SYNGR4: variants seen among roughly 807,000 people sequenced by gnomAD.
The protein encoded by SYNGR4 is synaptogyrin-4.
In SYNGR4, 15 loss-of-function variants were observed where a neutral mutation model predicts 15.5. That is an observed-to-expected ratio of 0.97 (90% CI 0.65 to 1.49). The LOEUF is 1.49. Among genes scored for constraint, SYNGR4 ranks in the 40% most tolerant of loss-of-function variants. The pLI, the probability that SYNGR4 is intolerant of heterozygous loss-of-function variation, is 0.00. For synonymous variants in SYNGR4, 121 were observed against 127.4 expected (o/e 0.95, Z 0.34); for missense variants, 292 against 299.3 (o/e 0.98, Z 0.18).
rs1970335455 is a variant in SYNGR4, at chr19:48,373,124, ACT to A, written c.94-390_94-389del. 2.0e-5 allele frequency: 4 copies of A among 201,300 alleles called. No individual in the cohort carries two copies. In the South Asian group the frequency reaches 2.9e-4, roughly 15 times the overall value. 12.5% of individuals were successfully genotyped at this position (201,300 alleles called of 1,614,324 possible). A position where few individuals can be genotyped will look rare whatever the true frequency, so the allele number is the denominator to read the frequency against. ...AATTGGAAGAGTGAGGGAAGCGGAG[ACT>A]CTGCAGGGCCTCCAAGGCCAGGCTT... On this transcript the variant is annotated intron_variant, in intron 2 of 4. Transcript: ENST00000344846.
intron 3 of SYNGR4, 122 bp from the exon 4 acceptor site, chr19:48,375,491 A>G (rs1411977251): frequency 2.3e-6 from 3 of 1,297,496 alleles, no homozygotes; most frequent in Non-Finnish European, 3.2e-6. Flanking sequence ...TAAAAAAAGT[A>G]TTTTTCAATA....
At chr19:48,367,757 T>A (rs1381942949) in intron 2 of SYNGR4, among the ~76,000 whole-genome samples, 1 of 152,172 alleles carries the variant, frequency 6.6e-6, no homozygotes, top group Non-Finnish European at 1.5e-5. Context: ...TGGAGTCAAA[T>A]CCTCATTCAG....
intron 2 of SYNGR4, among the ~76,000 whole-genome samples, chr19:48,370,934 G>A (rs551556670): frequency 2.0e-5 from 3 of 152,158 alleles, no homozygotes; most frequent in East Asian, 1.9e-4. Context: ...GCCCACCTCC[G>A]ATCCATCAGC....
intron 2 of SYNGR4, 108 bp from the exon 3 acceptor site, chr19:48,373,409 C>G: frequency 3.2e-6 from 3 of 932,056 alleles, no homozygotes; most frequent in Non-Finnish European, 5.1e-6. Flanking sequence ...GGGAGAGGTC[C>G]AGACGGACCA....
At chr19:48,375,469 CAT>C in intron 3 of SYNGR4, 142 bp from the exon 4 acceptor site, 2 of 1,032,996 alleles carry the variant, frequency 1.9e-6, no homozygotes, top group Non-Finnish European at 2.8e-6. Flanking sequence ...GATGTGTCAA[CAT>C]AGAAGCTAAT....
At chr19:48,375,951 C>G in intron 4 of SYNGR4, 134 bp from the exon 5 acceptor site, 1 of 1,534,884 alleles carries the variant, frequency 6.5e-7, no homozygotes, top group Non-Finnish European at 8.7e-7. Flanking sequence ...TGTGCTTTGG[C>G]CTAGGGCTCC....
At position 48,365,771 on chromosome 19, in the gene SYNGR4, G is replaced by C. The variant is rs867278880; in HGVS notation, c.-72G>C. ...CAGGGCTGGCCTGAAGCCCCCGGAC[G>C]GCAGTGCCCAGCAGGCAGCGCCCAG... On this transcript the variant is annotated 5_prime_UTR_variant, in exon 2 of 5. Transcript: ENST00000344846. 1.3e-5 allele frequency: 20 copies of C among 1,530,042 alleles called. No homozygotes were observed. Among genetic ancestry groups the C allele is most frequent in the Non-Finnish European group, 1.5e-5 (17 of 1,112,676 alleles). The allele number at this position is 1,530,042 out of a possible 1,614,324, so 94.8% of individuals were successfully genotyped here. A position where few individuals can be genotyped will look rare whatever the true frequency, so the allele number is the denominator to read the frequency against.
chr19:48,370,927 C>T (rs924470220), intron 2 of SYNGR4, among the ~76,000 whole-genome samples: 3 of 152,194 alleles, frequency 2.0e-5, no homozygotes, highest in African/African-American at 7.2e-5. Flanking sequence ...TTGTCTTGCC[C>T]ACCTCCGATC....
intron 2 of SYNGR4, among the ~76,000 whole-genome samples, chr19:48,370,047 G>A (rs375452145): frequency 2.0e-5 from 3 of 152,176 alleles, no homozygotes; most frequent in East Asian, 1.9e-4. Context: ...AAGGGAGGAT[G>A]GACGGAAGCT....
At chr19:48,367,927 A>C (rs2147402747) in intron 2 of SYNGR4, among the ~76,000 whole-genome samples, 1 of 152,338 alleles carries the variant, frequency 6.6e-6, no homozygotes, top group African/African-American at 2.4e-5. Context: ...TTGAGACTTG[A>C]TCGAGGTCTT....
intron 2 of SYNGR4, among the ~76,000 whole-genome samples, chr19:48,372,368 G>A (rs1569046003): frequency 6.6e-6 from 1 of 152,060 alleles, no homozygotes; most frequent in South Asian, 2.1e-4. Flanking sequence ...AGGCATGGCC[G>A]GGCGTGGTGG....
At chr19:48,366,077 C>A in intron 2 of SYNGR4, 142 bp downstream of exon 2, 1 of 820,836 alleles carries the variant, frequency 1.2e-6, no homozygotes, top group Non-Finnish European at 1.9e-6. Flanking sequence ...CTGACACCAC[C>A]TTTTCCTGAG....
chr19:48,373,785 G>T, intron 3 of SYNGR4, 31 bp downstream of exon 3: 2 of 1,605,236 alleles, frequency 1.2e-6, no homozygotes. Context: ...ACCCAGAGCT[G>T]CCCCTCCTCC....
At position 48,376,215 on chromosome 19, in the gene SYNGR4, T is replaced by C. The variant is rs764510017; in HGVS notation, c.602T>C (p.Met201Thr). 1 of 1,614,100 alleles carries C rather than the reference T, an allele frequency of 6.2e-7. No individual in the cohort carries two copies. Residue 201 changes from methionine to threonine, a missense_variant, in exon 5 of 5, where the codon ATG becomes ACG. Transcript: ENST00000344846. ...CCCTCTGCCAACAGCCCTGTGAACA[T>C]GCCCACCACTGGCCCCAACAGCCTG... ...PLPSANSPVN[M>T]PTTGPNSLSY...
chr19:48,376,286 T>TC lies in SYNGR4; in HGVS notation c.679dup (p.Arg227ProfsTer7), dbSNP rs1434458579. Reference sequence around the variant, plus strand: ...GTCCCCCTGTCTGACCGCTCCAAAGTCCCCCCGGCTTGCTATGATGCCTGA... The same window carrying TC: ...GTCCCCCTGTCTGACCGCTCCAAAGTCCCCCCCGGCTTGCTATGATGCCTGA... On this transcript the variant is annotated frameshift_variant, in exon 5 of 5. Coordinates refer to ENST00000344846, the MANE Select transcript of SYNGR4 (RefSeq NM_012451.4). LOFTEE classifies it high-confidence loss of function. 1 of 1,611,916 alleles carries TC rather than the reference T, an allele frequency of 6.2e-7. No homozygotes were observed. Among genetic ancestry groups the TC allele is most frequent in the Non-Finnish European group, 8.5e-7 (1 of 1,179,476 alleles).
chr19:48,366,626 A>G (rs1253180240), intron 2 of SYNGR4, among the ~76,000 whole-genome samples: 5 of 151,520 alleles, frequency 3.3e-5, no homozygotes, highest in Non-Finnish European at 7.4e-5. Context: ...GGCTGGCCTC[A>G]AACTCCTGAC....
chr19:48,375,851 G>A, intron 4 of SYNGR4, 99 bp downstream of exon 4: 1 of 1,543,042 alleles, frequency 6.5e-7, no homozygotes, highest in Admixed American at 2.0e-5. Context: ...TAGCTCCCCT[G>A]GGGGTCAGGG....
intron 2 of SYNGR4, among the ~76,000 whole-genome samples, chr19:48,370,168 C>T (rs1284985775): frequency 1.3e-5 from 2 of 152,166 alleles, no homozygotes; most frequent in East Asian, 1.9e-4. Flanking sequence ...TTGCTGAAGT[C>T]CAGTCTAGCG....
intron 2 of SYNGR4, among the ~76,000 whole-genome samples, chr19:48,370,998 G>A (rs1970296204): frequency 6.6e-6 from 1 of 152,070 alleles, no homozygotes; most frequent in African/African-American, 2.4e-5. Flanking sequence ...GCTGTCCCCT[G>A]CACAGAATCC....
Sources: allele counts gnomAD v4.1 joint callset (sites outside exome capture counted in the v4.1 genomes callset), GRCh38; gene constraint gnomAD v4.1.1; transcripts MANE v1.5; gene names NCBI Gene and HGNC (gene_info 2026-07-23, HGNC 2026-07-21).